Variants in CNTNAP2 observed in about 807,000 individuals in gnomAD.
CNTNAP2 encodes contactin-associated protein-like 2.
In CNTNAP2, 98 loss-of-function variants were observed where a neutral mutation model predicts 155.2. The observed-to-expected ratio is 0.63, with a 90% CI of 0.54 to 0.75. CNTNAP2 has a LOEUF of 0.75. CNTNAP2 is among the 30% of genes least tolerant of loss of function. CNTNAP2 has a pLI of 0.00. For synonymous variants in CNTNAP2, 651 were observed against 631.2 expected (o/e 1.03, Z -0.47); for missense variants, 1,727 against 1,688.1 (o/e 1.02, Z -0.40).
At chr7:147,665,839 T>C (rs1159663414) in intron 13 of CNTNAP2, among the ~76,000 whole-genome samples, 1 of 152,236 alleles carries the variant, frequency 6.6e-6, no homozygotes, top group African/African-American at 2.4e-5. Flanking sequence ...CCATGGTGTA[T>C]ATGTACCACA....
At chr7:147,127,721 T>C (rs760452840) in intron 6 of CNTNAP2, among the ~76,000 whole-genome samples, 1 of 152,142 alleles carries the variant, frequency 6.6e-6, no homozygotes, top group Non-Finnish European at 1.5e-5. Flanking sequence ...TATATTCTCA[T>C]TGAAAATAAA....
At chr7:147,131,946 T>C (rs988211992) in intron 7 of CNTNAP2, among the ~76,000 whole-genome samples, 1 of 152,000 alleles carries the variant, frequency 6.6e-6, no homozygotes, top group Non-Finnish European at 1.5e-5. Context: ...ACAACACACA[T>C]ACACACTTTA....
At chr7:147,176,867 G>A (rs1563103979) in intron 8 of CNTNAP2, among the ~76,000 whole-genome samples, 1 of 114,300 alleles carries the variant, frequency 8.7e-6, no homozygotes, top group Non-Finnish European at 1.7e-5. Flanking sequence ...AGATATTATA[G>A]AATAATTATA....
rs192696772 is a variant in CNTNAP2, at chr7:146,996,664, C to A, written c.403-47243C>A. Among the ~76,000 whole-genome samples, 778 of 152,100 alleles carry A rather than the reference C, an allele frequency of 5.1e-3. 4 individuals carry two copies. The highest frequency in any genetic ancestry group is 0.018 in the African/African-American group (733 of 41,500). On this transcript the variant is annotated intron_variant, in intron 3 of 23. Transcript: ENST00000361727. Reference sequence around the variant, plus strand: ...ATCATGTCAGCTGCAAACAAGGATACTTTAACTTTTTTTTTCCAATTTGAA... The same window carrying A: ...ATCATGTCAGCTGCAAACAAGGATAATTTAACTTTTTTTTTCCAATTTGAA...
intron 1 of CNTNAP2, among the ~76,000 whole-genome samples, chr7:146,682,163 C>T (rs1391176803): frequency 1.3e-5 from 2 of 151,938 alleles, no homozygotes; most frequent in Non-Finnish European, 2.9e-5. Flanking sequence ...TTCTTTGTAT[C>T]AAAATTTTAA....
intron 2 of CNTNAP2, among the ~76,000 whole-genome samples, chr7:146,775,049 C>G (rs946629833): frequency 2.0e-5 from 3 of 151,988 alleles, no homozygotes; most frequent in Non-Finnish European, 4.4e-5. Context: ...TGAATGGCAA[C>G]TTAAAAAGGA....
At chr7:146,981,404 C>T (rs563130978) in intron 3 of CNTNAP2, among the ~76,000 whole-genome samples, 1 of 152,282 alleles carries the variant, frequency 6.6e-6, no homozygotes, top group East Asian at 1.9e-4. Flanking sequence ...CTTTTTACTG[C>T]TACATTTTGC....
chr7:147,948,778 C>A (rs1218704233), intron 14 of CNTNAP2, among the ~76,000 whole-genome samples: 1 of 151,796 alleles, frequency 6.6e-6, no homozygotes, highest in Admixed American at 6.6e-5. Flanking sequence ...AAAATTTTAA[C>A]CACTAATAGC....
intron 1 of CNTNAP2, among the ~76,000 whole-genome samples, chr7:146,594,071 A>G (rs1471278159): frequency 6.6e-6 from 1 of 152,134 alleles, no homozygotes; most frequent in Non-Finnish European, 1.5e-5. Context: ...TTTAAACAGA[A>G]TTCCTCCTTA....
Position 147,329,155 on chromosome 7 carries a change from CACACCCACGCATAT to C in CNTNAP2, c.1498+28870_1498+28883del, listed in dbSNP as rs1180175649. ...GATTGAGCACCCCCCCACACACACACACACCCACGCATATACACACACAGGTATGTATACCACAT... is the reference window on the plus strand; with the variant it reads ...GATTGAGCACCCCCCCACACACACACACACACACAGGTATGTATACCACAT... On this transcript the variant is annotated intron_variant, in intron 9 of 23. Transcript: ENST00000361727. Among the ~76,000 whole-genome samples, 8 of 152,124 alleles carry C rather than the reference CACACCCACGCATAT, an allele frequency of 5.3e-5. No homozygotes were observed. In the East Asian group the frequency reaches 1.5e-3, roughly 29 times the overall value.
chr7:146,759,729 G>T (rs1411067326), intron 1 of CNTNAP2, among the ~76,000 whole-genome samples: 4 of 148,354 alleles, frequency 2.7e-5, no homozygotes, highest in African/African-American at 1.0e-4. Flanking sequence ...GGGGTGGGGT[G>T]GGGTGTGAGA....
At chr7:146,731,798 C>T (rs1203004543) in intron 1 of CNTNAP2, among the ~76,000 whole-genome samples, 1 of 152,026 alleles carries the variant, frequency 6.6e-6, no homozygotes, top group Non-Finnish European at 1.5e-5. Context: ...TTCTGCACAC[C>T]ACTGAAATTC....
chr7:146,911,805 A>G (rs1422674339), intron 3 of CNTNAP2, among the ~76,000 whole-genome samples: 2 of 152,246 alleles, frequency 1.3e-5, no homozygotes, highest in East Asian at 1.9e-4. Flanking sequence ...TTAAAGTATA[A>G]TAATAAAAAA....
Position 146,495,758 on chromosome 7 carries a change from G to A in CNTNAP2, c.98-278513G>A, listed in dbSNP as rs192197318. Among the ~76,000 whole-genome samples the A allele has an allele frequency of 9.3e-5, 14 of 150,222 alleles. No individual in the cohort carries two copies. In the East Asian group the frequency reaches 1.8e-3, roughly 19 times the overall value. ...AATATGCTTGTGCAGAAGTGTAGAC[G>A]ATGGTGAAGAAATGAGAAAGGGTAA... is the stretch of plus-strand genomic sequence containing the variant. On this transcript the variant is annotated intron_variant, in intron 1 of 23. Coordinates refer to ENST00000361727, the MANE Select transcript of CNTNAP2 (RefSeq NM_014141.6).
intron 1 of CNTNAP2, among the ~76,000 whole-genome samples, chr7:146,588,755 G>T (rs1223648105): frequency 6.6e-6 from 1 of 151,916 alleles, no homozygotes; most frequent in East Asian, 1.9e-4. Context: ...GCTATCGGCC[G>T]GCCTGTGCCT....
At chr7:147,909,629 C>A (rs982400377) in intron 14 of CNTNAP2, among the ~76,000 whole-genome samples, 2 of 152,180 alleles carry the variant, frequency 1.3e-5, no homozygotes, top group African/African-American at 4.8e-5. Context: ...ACCTACAGTG[C>A]CAGAATTCTA....
chr7:147,011,597 G>T (rs1798625836), intron 3 of CNTNAP2, among the ~76,000 whole-genome samples: 1 of 151,658 alleles, frequency 6.6e-6, no homozygotes, highest in Admixed American at 6.6e-5. Context: ...CTCAGAAGCA[G>T]CCTCGGAAGC....
intron 8 of CNTNAP2, among the ~76,000 whole-genome samples, chr7:147,277,284 C>T (rs1000787542): frequency 3.3e-5 from 5 of 151,852 alleles, no homozygotes; most frequent in Admixed American, 6.6e-5. Context: ...TCTCCATTTA[C>T]GTAGTCATAG....
chr7:147,729,904 C>T (rs1165902868), intron 13 of CNTNAP2, among the ~76,000 whole-genome samples: 1 of 152,076 alleles, frequency 6.6e-6, no homozygotes, highest in Non-Finnish European at 1.5e-5. Flanking sequence ...TCCTTGTATG[C>T]TGCAAATGGA....
Sources: allele counts gnomAD v4.1 joint callset (sites outside exome capture counted in the v4.1 genomes callset), GRCh38; gene constraint gnomAD v4.1.1; transcripts MANE v1.5; gene names NCBI Gene and HGNC (gene_info 2026-07-23, HGNC 2026-07-21).